EPB41L4A: variants seen among roughly 807,000 people sequenced by gnomAD.
The protein encoded by EPB41L4A is band 4.1-like protein 4A.
EPB41L4A carries 100 observed loss-of-function variants against 108.6 expected under a neutral mutation model. The observed-to-expected ratio is 0.92, with a 90% confidence interval of 0.78 to 1.09. The LOEUF is 1.09. EPB41L4A is among the 50% of genes least tolerant of loss of function. The probability of loss-of-function intolerance (pLI) is 0.00; values close to 1 mark genes in which losing one functional copy is unlikely to be tolerated. For missense variants in EPB41L4A, 1,030 were observed against 842.7 expected, an observed-to-expected ratio of 1.22 and a Z score of -2.75; for synonymous variants, 319 against 289.0, an observed-to-expected ratio of 1.10 and a Z score of -1.05.
chr5:112,183,910 A>G, intron 18 of EPB41L4A, 106 bp downstream of exon 18: 1 of 1,334,364 alleles, frequency 7.5e-7, no homozygotes, highest in Non-Finnish European at 1.0e-6. Flanking sequence ...ACAAATAAAC[A>G]ATGAAATAAT....
intron 2 of EPB41L4A, among the ~76,000 whole-genome samples, chr5:112,283,306 T>C (rs1254995517): frequency 1.3e-5 from 2 of 152,118 alleles, no homozygotes; most frequent in African/African-American, 2.4e-5. Flanking sequence ...CAGACAATGA[T>C]AAATGCCCAA....
intron 4 of EPB41L4A, among the ~76,000 whole-genome samples, chr5:112,272,971 A>C (rs1423900993): frequency 6.6e-6 from 1 of 152,198 alleles, no homozygotes; most frequent in Non-Finnish European, 1.5e-5. Flanking sequence ...AATTTTCCAA[A>C]GAACTAAATT....
intron 22 of EPB41L4A, 99 bp downstream of exon 22, chr5:112,168,640 T>C (rs975340167): frequency 1.6e-5 from 13 of 832,630 alleles, no homozygotes; most frequent in Admixed American, 6.8e-5. Flanking sequence ...TAAGGTTTCA[T>C]TGCCTGCCCT....
intron 1 of EPB41L4A, among the ~76,000 whole-genome samples, chr5:112,410,912 G>A (rs1371639468): frequency 6.6e-6 from 1 of 152,150 alleles, no homozygotes; most frequent in East Asian, 1.9e-4. Context: ...ACCTGAGGAT[G>A]GCACTGGCTC....
chr5:112,266,047 G>C (rs566896062), intron 5 of EPB41L4A, among the ~76,000 whole-genome samples, 186 bp downstream of exon 5: 55 of 152,154 alleles, frequency 3.6e-4, no homozygotes, highest in Non-Finnish European at 7.2e-4. Flanking sequence ...TAAGGGATTT[G>C]TACTAGGCTC....
intron 2 of EPB41L4A, among the ~76,000 whole-genome samples, chr5:112,288,507 G>A (rs748989087): frequency 6.6e-6 from 1 of 152,178 alleles, no homozygotes; most frequent in Non-Finnish European, 1.5e-5. Context: ...GAGCCGAGAA[G>A]ACAGGGCCAA....
At chr5:112,311,643 T>G (rs955555773) in intron 1 of EPB41L4A, among the ~76,000 whole-genome samples, 7 of 152,218 alleles carry the variant, frequency 4.6e-5, no homozygotes, top group African/African-American at 1.2e-4. Context: ...TTATCATTTC[T>G]GGTCCACTGA....
intron 12 of EPB41L4A, among the ~76,000 whole-genome samples, chr5:112,220,825 T>C (rs375129883): frequency 3.9e-5 from 6 of 152,144 alleles, no homozygotes; most frequent in African/African-American, 9.7e-5. Context: ...GTGATAGATA[T>C]CCTGCTTTAC....
intron 1 of EPB41L4A, among the ~76,000 whole-genome samples, chr5:112,334,755 G>A (rs944827694): frequency 6.6e-6 from 1 of 152,036 alleles, no homozygotes; most frequent in African/African-American, 2.4e-5. Flanking sequence ...CACCTTGGGC[G>A]CATGTTCTCA....
chr5:112,205,831 C>T, intron 13 of EPB41L4A: 1 of 234,856 alleles, frequency 4.3e-6, no homozygotes, highest in Non-Finnish European at 8.3e-6. Context: ...AATAAGAAAG[C>T]CAAGGAGGAA....
chr5:112,336,739 A>C (rs766168270), intron 1 of EPB41L4A, among the ~76,000 whole-genome samples: 6 of 152,220 alleles, frequency 3.9e-5, no homozygotes, highest in Non-Finnish European at 5.9e-5. Flanking sequence ...ACAAGGTCAG[A>C]AAGCTAGAAA....
intron 9 of EPB41L4A, among the ~76,000 whole-genome samples, chr5:112,258,531 A>G (rs938865234): frequency 6.6e-5 from 10 of 152,214 alleles, no homozygotes; most frequent in African/African-American, 2.4e-4. Flanking sequence ...CATGTATCCC[A>G]TAATATGTGG....
intron 12 of EPB41L4A, among the ~76,000 whole-genome samples, chr5:112,154,358 G>A (rs1759577523): frequency 6.6e-6 from 1 of 152,156 alleles, no homozygotes; most frequent in Admixed American, 6.5e-5. Flanking sequence ...ACTTATAAAT[G>A]TATTTTTTGT....
chr5:112,339,508 A>ATCTATATCTATATCTATATATATATATC (rs60350621), intron 1 of EPB41L4A, among the ~76,000 whole-genome samples: 5 of 55,556 alleles, frequency 9.0e-5, no homozygotes, highest in African/African-American at 1.5e-4. Context: ...ATATATATAT[A>ATCTATATCTATATCTATATATATATATC]TAGATATATA....
chr5:112,267,643 C>T (rs1390391003), intron 4 of EPB41L4A, among the ~76,000 whole-genome samples: 1 of 151,832 alleles, frequency 6.6e-6, no homozygotes, highest in Non-Finnish European at 1.5e-5. Flanking sequence ...CCATCCCCTA[C>T]ACCAGGTCAC....
At chr5:112,348,630 G>A (rs1215076919) in intron 1 of EPB41L4A, among the ~76,000 whole-genome samples, 2 of 152,194 alleles carry the variant, frequency 1.3e-5, no homozygotes, top group East Asian at 3.9e-4. Flanking sequence ...GGCACTTCAG[G>A]GTGAGGAATG....
At chr5:112,415,677 T>C (rs1762670446) in intron 1 of EPB41L4A, among the ~76,000 whole-genome samples, 1 of 152,156 alleles carries the variant, frequency 6.6e-6, no homozygotes, top group Non-Finnish European at 1.5e-5. Flanking sequence ...CAACAAAAGT[T>C]TCCCAGAACA....
At chr5:112,300,233 T>C (rs1370170944) in intron 2 of EPB41L4A, among the ~76,000 whole-genome samples, 1 of 152,180 alleles carries the variant, frequency 6.6e-6, no homozygotes, top group Admixed American at 6.6e-5. Context: ...ATATTTTTGT[T>C]TTATAGGTCC....
At position 112,194,606 on chromosome 5, in the gene EPB41L4A, T is replaced by C. The variant is rs1350850268; in HGVS notation, c.1464A>G (p.Ser488=). The change falls in exon 17 of 23, where the codon TCA becomes TCG. Residue 488 remains serine (S), a synonymous_variant. Coordinates refer to ENST00000261486, the MANE Select transcript of EPB41L4A (RefSeq NM_022140.5). ...SRCNTSSGSE[S]ENSNREYRKK... is the part of the protein sequence containing the mutation. ...TCCGGTATTCTCTATTAGAATTTTC[T>C]GATTCACTACCACTGCTGGTGTTAC... 2 of 1,607,260 alleles carry C rather than the reference T, an allele frequency of 1.2e-6. No individual in the cohort carries two copies. Among genetic ancestry groups the C allele is most frequent in the African/African-American group, 1.3e-5 (1 of 74,726 alleles).
Sources: gnomAD v4.1 joint callset for allele counts (sites outside exome capture counted in the v4.1 genomes callset) on GRCh38, gnomAD v4.1.1 for gene constraint, MANE v1.5 for transcripts, NCBI Gene and HGNC (gene_info 2026-07-23, HGNC 2026-07-21) for gene names.